PRH1: variants seen among roughly 807,000 people sequenced by gnomAD.
The protein encoded by PRH1 is salivary acidic proline-rich phosphoprotein 1/2.
PRH1 carries 7 observed loss-of-function variants against 7.9 expected under a neutral mutation model. The observed-to-expected ratio is 0.89, with a 90% CI of 0.50 to 1.67. PRH1 has a LOEUF of 1.67. PRH1 is among the 40% of genes most tolerant of loss of function. The pLI, the probability that PRH1 is intolerant of heterozygous loss-of-function variation, is 0.00. For missense variants in PRH1, 109 were observed against 223.6 expected (o/e 0.49, Z 3.27); for synonymous variants, 45 against 80.8 (o/e 0.56, Z 2.38).
At chr12:11,067,786 C>G (rs559334079) in intron 1 of PRH1, among the ~76,000 whole-genome samples, 1 of 152,280 alleles carries the variant, frequency 6.6e-6, no homozygotes, top group African/African-American at 2.4e-5. Flanking sequence ...TTACTTGAGC[C>G]TGGATAGCAG....
intron 1 of PRH1, among the ~76,000 whole-genome samples, chr12:10,999,285 T>A (rs1336425475): frequency 6.6e-6 from 1 of 152,118 alleles, no homozygotes; most frequent in Non-Finnish European, 1.5e-5. Context: ...AATATCAAAG[T>A]TTTTGTAATA....
At chr12:10,943,376 T>C (rs1950434393) in intron 2 of PRH1, among the ~76,000 whole-genome samples, 1 of 152,204 alleles carries the variant, frequency 6.6e-6, no homozygotes, top group Non-Finnish European at 1.5e-5. Flanking sequence ...ATGTACGTCT[T>C]CTTTTGAGAA....
chr12:11,115,968 T>C (rs2136313506), downstream of PRH1, among the ~76,000 whole-genome samples: 1 of 152,002 alleles, frequency 6.6e-6, no homozygotes, highest in East Asian at 1.9e-4. Flanking sequence ...ATAAACAACC[T>C]AAATGTGTAT....
chr12:10,884,306 T>C (rs545819100), upstream of PRH1: 520 of 1,568,572 alleles, frequency 3.3e-4, 1 homozygote, highest in Non-Finnish European at 4.4e-4. Context: ...CAATGGTGCA[T>C]TTGAGCTCCC....
At chr12:10,923,083 C>T (rs867428554) in intron 2 of PRH1, among the ~76,000 whole-genome samples, 1 of 150,754 alleles carries the variant, frequency 6.6e-6, no homozygotes, top group Non-Finnish European at 1.5e-5. Context: ...CCGCCTCGGC[C>T]TCCCAAAGTG....
intron 2 of PRH1, among the ~76,000 whole-genome samples, chr12:10,949,098 A>G (rs61912263): frequency 0.022 from 3,386 of 152,294 alleles, 63 homozygotes; most frequent in Middle Eastern, 0.048. Context: ...TGCCAACTGC[A>G]GCCCTGGTGG....
intron 1 of PRH1, among the ~76,000 whole-genome samples, chr12:11,035,292 G>T (rs568163181): frequency 7.0e-6 from 1 of 142,912 alleles, no homozygotes; most frequent in African/African-American, 2.5e-5. Context: ...AAGTATGTTA[G>T]TTGTTCTGAT....
chr12:11,057,811 C>T (rs913896788), intron 1 of PRH1, among the ~76,000 whole-genome samples: 1 of 152,242 alleles, frequency 6.6e-6, no homozygotes, highest in Non-Finnish European at 1.5e-5. Context: ...TTAATCTACA[C>T]CCTTTATGAG....
At chr12:11,047,514 TC>T (rs67319861), upstream of PRH1, among the ~76,000 whole-genome samples, 63,024 of 141,020 alleles carry the variant, frequency 0.45, 13,566 homozygotes, top group Non-Finnish European at 0.5. Flanking sequence ...GATGTCAATT[TC>T]AAAAAAAAAA....
intron 1 of PRH1, among the ~76,000 whole-genome samples, chr12:11,040,236 A>T (rs1255554255): frequency 6.6e-6 from 1 of 152,168 alleles, no homozygotes; most frequent in Non-Finnish European, 1.5e-5. Context: ...CCAATCTTGG[A>T]TTTTATTTCT....
chr12:10,988,704 T>G (rs1250029759), intron 1 of PRH1, among the ~76,000 whole-genome samples: 2 of 152,102 alleles, frequency 1.3e-5, no homozygotes, highest in African/African-American at 4.8e-5. Flanking sequence ...CATGTCACAT[T>G]GCAAATAGCC....
At chr12:11,031,530 A>C in intron 1 of PRH1, 5 of 551,996 alleles carry the variant, frequency 9.1e-6, no homozygotes, top group South Asian at 4.3e-5. Context: ...GAAAGGACAA[A>C]GCTTCCACCG....
intron 1 of PRH1, among the ~76,000 whole-genome samples, chr12:11,156,603 TCTAA>T (rs1213911744): frequency 4.6e-5 from 7 of 152,324 alleles, no homozygotes; most frequent in South Asian, 4.1e-4. Flanking sequence ...TTCTACCATT[TCTAA>T]CTGATTGTTA....
At chr12:11,083,490 T>TA (rs2136236912) in intron 1 of PRH1, among the ~76,000 whole-genome samples, 1 of 10,654 alleles carries the variant, frequency 9.4e-5, no homozygotes, top group East Asian at 1.7e-3. Context: ...TCATTTAGTG[T>TA]ATGTTTCTAC....
rs1440856366 is a variant in PRH1, at chr12:11,010,104, T to C, written c.-125-36383A>G. ...CCTTCAATGGATTAGTTTAAGGTCA[T>C]CTACAATTACTTGCTTAAGCAATGC... On this transcript the variant is annotated intron_variant, in intron 1 of 3. Transcript: ENST00000539853. Among the ~76,000 whole-genome samples the C allele has an allele frequency of 2.0e-5, 3 of 152,142 alleles. No homozygotes were observed. In the East Asian group the frequency reaches 5.8e-4, roughly 29 times the overall value.
At chr12:10,916,820 G>C (rs1949978257) in intron 2 of PRH1, among the ~76,000 whole-genome samples, 2 of 151,390 alleles carry the variant, frequency 1.3e-5, no homozygotes, top group Admixed American at 1.3e-4. Context: ...GGCCAAAATG[G>C]GAAGATATCT....
chr12:11,101,006 T>A (rs1215396975), intron 1 of PRH1, among the ~76,000 whole-genome samples: 1 of 152,230 alleles, frequency 6.6e-6, no homozygotes, highest in Non-Finnish European at 1.5e-5. Context: ...TCCATCGTAC[T>A]ATAATTTATT....
rs200858060 is a variant in PRH1, at chr12:10,997,676, T to C, written c.-125-23955A>G. The C allele has an allele frequency of 9.0e-4, 1,445 of 1,613,658 alleles. 29 individuals are homozygous for C. The South Asian group carries it at 0.015, about 17-fold the overall frequency. ...TGAAGTTGGATTCAACACAGTTGAA[T>C]ACCAATGTAATAATATTACCCAGAG... On this transcript the variant is annotated intron_variant, in intron 1 of 3. Coordinates refer to the PRH1 transcript ENST00000539853.
chr12:11,019,357 T>C, intron 1 of PRH1, among the ~76,000 whole-genome samples: 1 of 152,268 alleles, frequency 6.6e-6, no homozygotes, highest in Admixed American at 6.5e-5. Context: ...ACATCTTCTT[T>C]TGCCTCAGTT....
Sources: allele counts gnomAD v4.1 joint callset (sites outside exome capture counted in the v4.1 genomes callset), GRCh38; gene constraint gnomAD v4.1.1; transcripts MANE v1.5; gene names NCBI Gene and HGNC (gene_info 2026-07-23, HGNC 2026-07-21).